Variants in SUSD6 observed in about 807,000 individuals in gnomAD.
SUSD6 encodes sushi domain containing 6, also known as sushi domain-containing protein 6.
In SUSD6, 16 loss-of-function variants were observed where a neutral mutation model predicts 28.4. That is an observed-to-expected ratio of 0.56 (90% CI 0.38 to 0.86). SUSD6 has a LOEUF of 0.86. Ranked by LOEUF, SUSD6 falls within the 40% of genes least tolerant of loss-of-function variation. The pLI is 0.00. For synonymous variants in SUSD6, 147 were observed against 159.6 expected (o/e 0.92, Z 0.59); for missense variants, 341 against 384.2 (o/e 0.89, Z 0.94).
chr14:69,688,507 T>A (rs1053406212), intron 2 of SUSD6, among the ~76,000 whole-genome samples: 10 of 152,292 alleles, frequency 6.6e-5, no homozygotes, highest in African/African-American at 2.2e-4. Flanking sequence ...GATCCAGTCC[T>A]CCAGGGATAG....
intron 2 of SUSD6, among the ~76,000 whole-genome samples, chr14:69,669,329 T>C (rs1482763090): frequency 6.6e-6 from 1 of 152,208 alleles, no homozygotes; most frequent in African/African-American, 2.4e-5. Context: ...CCCAAAGTGC[T>C]GGGATTACAG....
chr14:69,644,380 G>A (rs1281755309), intron 1 of SUSD6, among the ~76,000 whole-genome samples: 1 of 152,042 alleles, frequency 6.6e-6, no homozygotes, highest in African/African-American at 2.4e-5. Context: ...GGCTGGGCAC[G>A]GTGGCTCACA....
At chr14:69,613,956 G>A (rs1482040442) in intron 1 of SUSD6, among the ~76,000 whole-genome samples, 8 of 152,252 alleles carry the variant, frequency 5.3e-5, no homozygotes, top group Non-Finnish European at 8.8e-5. Context: ...AGAAGAGAAA[G>A]AAGGGTAGAA....
intron 1 of SUSD6, among the ~76,000 whole-genome samples, chr14:69,638,684 C>T (rs1158600134): frequency 2.0e-5 from 3 of 152,194 alleles, no homozygotes; most frequent in Non-Finnish European, 4.4e-5. Flanking sequence ...TTCTAACAAG[C>T]TCCCAGGTGC....
At position 69,640,432 on chromosome 14, in the gene SUSD6, C is replaced by T. The variant is rs960085954; in HGVS notation, c.-80-18081C>T. 2.5e-4 allele frequency among the ~76,000 whole-genome samples: 38 copies of T among 152,124 alleles called. 2 individuals are homozygous for T. Among genetic ancestry groups the T allele is most frequent in the Admixed American group, 1.8e-3 (28 of 15,272 alleles). ...TACTGTAACCTCGAACTCCTTGGCT[C>T]AAGTGATTTCTCCTGTCTCAGTCTC... is the stretch of plus-strand genomic sequence containing the variant. On this transcript the variant is annotated intron_variant, in intron 1 of 5. Coordinates refer to ENST00000342745, the MANE Select transcript of SUSD6 (RefSeq NM_014734.4).
At position 69,654,649 on chromosome 14, in the gene SUSD6, A is replaced by G. The variant is rs191304036; in HGVS notation, c.-80-3864A>G. Among the ~76,000 whole-genome samples, 269 of 152,324 alleles carry G rather than the reference A, an allele frequency of 1.8e-3. 1 individual carries two copies. Among genetic ancestry groups the G allele is most frequent in the Non-Finnish European group, 2.4e-3 (162 of 68,042 alleles). ...TTAACATTTTGTTTGAATAGATAATACATGTACAAAGTACAACACTCAATA... is the reference window on the plus strand; with the variant it reads ...TTAACATTTTGTTTGAATAGATAATGCATGTACAAAGTACAACACTCAATA... On this transcript the variant is annotated intron_variant, in intron 1 of 5. Coordinates refer to ENST00000342745, the MANE Select transcript of SUSD6 (RefSeq NM_014734.4).
At chr14:69,619,146 T>A (rs1006427904) in intron 1 of SUSD6, among the ~76,000 whole-genome samples, 2 of 152,214 alleles carry the variant, frequency 1.3e-5, no homozygotes, top group Non-Finnish European at 2.9e-5. Context: ...CTGGGCCTGG[T>A]CCCGGAATGG....
chr14:69,684,701 G>A (rs747708237), intron 2 of SUSD6, among the ~76,000 whole-genome samples: 1 of 152,236 alleles, frequency 6.6e-6, no homozygotes, highest in Non-Finnish European at 1.5e-5. Flanking sequence ...TTCCTCTTTG[G>A]GGGTCAGCTC....
intron 2 of SUSD6, among the ~76,000 whole-genome samples, chr14:69,696,533 A>T (rs1300091763): frequency 6.6e-6 from 1 of 152,258 alleles, no homozygotes; most frequent in African/African-American, 2.4e-5. Context: ...GAGCAAGCAC[A>T]TAAATAGTGC....
At position 69,666,995 on chromosome 14, in the gene SUSD6, A is replaced by G. The variant is rs141902350; in HGVS notation, c.121+8282A>G. On this transcript the variant is annotated intron_variant, in intron 2 of 5. Coordinates refer to ENST00000342745, the MANE Select transcript of SUSD6 (RefSeq NM_014734.4). ...CTATGAAATACAAAGGGCTTGATCA[A>G]TTCTTCCCATGTAGTAGACACATGT... Among the ~76,000 whole-genome samples, 48 of 152,330 alleles carry G rather than the reference A, an allele frequency of 3.2e-4. 1 individual carries two copies. Among genetic ancestry groups the G allele is most frequent in the Non-Finnish European group, 4.1e-4 (28 of 68,030 alleles).
At chr14:69,625,691 T>C (rs1236736505) in intron 1 of SUSD6, among the ~76,000 whole-genome samples, 1 of 152,134 alleles carries the variant, frequency 6.6e-6, no homozygotes, top group African/African-American at 2.4e-5. Flanking sequence ...ATGGACCACA[T>C]CCAGAGTGAT....
intron 1 of SUSD6, among the ~76,000 whole-genome samples, chr14:69,646,270 ATGTACCT>A (rs1885424747): frequency 6.6e-6 from 1 of 152,046 alleles, no homozygotes; most frequent in Admixed American, 6.5e-5. Flanking sequence ...CCTGGTTTCC[ATGTACCT>A]TTTGGAGTAT....
chr14:69,692,978 A>G (rs1302040287), intron 2 of SUSD6, among the ~76,000 whole-genome samples: 1 of 152,206 alleles, frequency 6.6e-6, no homozygotes, highest in East Asian at 1.9e-4. Context: ...AGAAGTGACA[A>G]TGGCTGATGA....
intron 1 of SUSD6, among the ~76,000 whole-genome samples, chr14:69,614,076 T>A (rs1383295144): frequency 6.6e-6 from 1 of 152,202 alleles, no homozygotes; most frequent in Non-Finnish European, 1.5e-5. Context: ...TTTTATTTTT[T>A]ATTTTTTTTG....
intron 1 of SUSD6, among the ~76,000 whole-genome samples, chr14:69,616,050 C>T (rs1178556748): frequency 6.6e-6 from 1 of 152,194 alleles, no homozygotes; most frequent in Non-Finnish European, 1.5e-5. Flanking sequence ...GGCAAAGCCT[C>T]CTTCCTTGAT....
chr14:69,689,503 A>G (rs1327527115), intron 2 of SUSD6, among the ~76,000 whole-genome samples: 1 of 152,232 alleles, frequency 6.6e-6, no homozygotes, highest in Non-Finnish European at 1.5e-5. Context: ...ATTCCCAAAG[A>G]GACTGAAGTC....
chr14:69,649,401 A>G (rs918465453), intron 1 of SUSD6, among the ~76,000 whole-genome samples: 3 of 152,210 alleles, frequency 2.0e-5, no homozygotes, highest in African/African-American at 7.2e-5. Flanking sequence ...GAGAGATGTG[A>G]TGACACATGA....
At chr14:69,625,308 T>C (rs1419979567) in intron 1 of SUSD6, among the ~76,000 whole-genome samples, 6 of 152,250 alleles carry the variant, frequency 3.9e-5, no homozygotes, top group South Asian at 2.1e-4. Context: ...TTAACTGTTA[T>C]CAGCTTTTAT....
intron 1 of SUSD6, among the ~76,000 whole-genome samples, chr14:69,627,958 G>C (rs1256640607): frequency 6.7e-6 from 1 of 150,270 alleles, no homozygotes; most frequent in Non-Finnish European, 1.5e-5. Context: ...TTTTGAGATG[G>C]AGTCTCGCTC....
Sources: gnomAD v4.1 joint callset for allele counts (sites outside exome capture counted in the v4.1 genomes callset) on GRCh38, gnomAD v4.1.1 for gene constraint, MANE v1.5 for transcripts, NCBI Gene and HGNC (gene_info 2026-07-23, HGNC 2026-07-21) for gene names.